The following ROBO2 variants were observed in gnomAD, a reference collection of about 807,000 sequenced individuals.
ROBO2 encodes the protein roundabout homolog 2.
Under a neutral mutation model 160.8 loss-of-function variants are expected in ROBO2, and 53 were observed. The ratio of observed to expected loss-of-function variants is 0.33; its 90% CI spans 0.26 to 0.41. The LOEUF is 0.41. Among genes scored for constraint, ROBO2 ranks in the 10% least tolerant of loss-of-function variants. The probability of loss-of-function intolerance (pLI) is 1.00; values close to 1 mark genes in which losing one functional copy is unlikely to be tolerated. For missense variants in ROBO2, 1,577 were observed against 1,722.4 expected (o/e 0.92, Z 1.49); for synonymous variants, 664 against 611.7 (o/e 1.09, Z -1.26).
At chr3:76,800,689 C>A (rs1378635802) in intron 2 of ROBO2, among the ~76,000 whole-genome samples, 1 of 152,090 alleles carries the variant, frequency 6.6e-6, no homozygotes, top group Non-Finnish European at 1.5e-5. Flanking sequence ...CTCACCCCAG[C>A]TAAAAAGGCT....
At chr3:76,146,213 C>T (rs2071881401) in intron 2 of ROBO2, among the ~76,000 whole-genome samples, 1 of 152,018 alleles carries the variant, frequency 6.6e-6, no homozygotes, top group Non-Finnish European at 1.5e-5. Context: ...AAAACAATTA[C>T]TCAACAAAAC....
intron 23 of ROBO2, chr3:77,633,038 T>C (rs2095198186): frequency 6.3e-6 from 1 of 158,306 alleles, no homozygotes; most frequent in Non-Finnish European, 1.4e-5. Flanking sequence ...TTATCTCCAT[T>C]ACTTTCCTTT....
At chr3:77,211,036 C>T (rs969891840) in intron 2 of ROBO2, among the ~76,000 whole-genome samples, 8 of 152,130 alleles carry the variant, frequency 5.3e-5, no homozygotes, top group Non-Finnish European at 1.0e-4. Context: ...GTGAATAGTG[C>T]CGCAATAAAC....
chr3:76,502,858 A>T (rs889903404), intron 2 of ROBO2, among the ~76,000 whole-genome samples: 3 of 152,220 alleles, frequency 2.0e-5, no homozygotes, highest in African/African-American at 7.2e-5. Flanking sequence ...CCTGAACAAC[A>T]GCAAACTTGG....
rs1478472078 is a variant in ROBO2 at position 77,642,826 on chromosome 3, T to C, written c.3935-1878T>C. The C allele has an allele frequency of 2.0e-5, 9 of 456,562 alleles. No homozygotes were observed. The East Asian group carries it at 5.6e-4, about 28-fold the overall frequency. The allele number at this position is 456,562 out of a possible 1,614,324, so 28.3% of individuals were successfully genotyped here. Reference sequence around the variant, plus strand: ...CAGCTTAGAAGACACAAAGAGCTCATTGGATTGTCCAGCTAGAACCTCCCT... The same window carrying C: ...CAGCTTAGAAGACACAAAGAGCTCACTGGATTGTCCAGCTAGAACCTCCCT... On this transcript the variant is annotated intron_variant, in intron 24 of 25. Transcript: ENST00000461745.
Position 75,938,981 on chromosome 3 carries a change from A to AGTC in ROBO2, c.109+1380_109+1381insTCG, listed in dbSNP as rs1247265347. ...TCTAAAACAAGAATATGTAGACAGTAGCCACGTTGGGTTTCTGTGGCTGTA... is the reference window on the plus strand; with the variant it reads ...TCTAAAACAAGAATATGTAGACAGTAGTCGCCACGTTGGGTTTCTGTGGCTGTA... On this transcript the variant is annotated intron_variant, in intron 2 of 26. Transcript: ENST00000487694. Among the ~76,000 whole-genome samples the AGTC allele has an allele frequency of 2.0e-5, 3 of 152,202 alleles. No homozygotes were observed. The East Asian group carries it at 5.8e-4, about 29-fold the overall frequency.
chr3:76,975,321 A>G (rs375561454), intron 2 of ROBO2, among the ~76,000 whole-genome samples: 21 of 152,246 alleles, frequency 1.4e-4, no homozygotes, highest in African/African-American at 5.1e-4. Flanking sequence ...CCTGGCCAAC[A>G]TGGCGAAACC....
intron 2 of ROBO2, among the ~76,000 whole-genome samples, chr3:76,411,305 T>C (rs1384059971): frequency 1.3e-5 from 2 of 152,154 alleles, no homozygotes; most frequent in Non-Finnish European, 2.9e-5. Context: ...TCTTGTTCTC[T>C]AGGAGCATAC....
intron 2 of ROBO2, among the ~76,000 whole-genome samples, chr3:75,973,552 ACAACAACAAAAAGTATAGATAGACC>A (rs1215684879): frequency 6.6e-6 from 1 of 151,684 alleles, no homozygotes; most frequent in African/African-American, 2.4e-5. Context: ...AAAACTTAAA[ACAACAACAAAAAGTATAGATAGACC>A]CTGTTACCTG....
At chr3:76,732,688 G>A (rs781199359) in intron 2 of ROBO2, among the ~76,000 whole-genome samples, 2 of 152,176 alleles carry the variant, frequency 1.3e-5, no homozygotes, top group Non-Finnish European at 2.9e-5. Flanking sequence ...GCATTAGTAA[G>A]TGATGAAGCG....
intron 2 of ROBO2, among the ~76,000 whole-genome samples, chr3:76,273,204 T>C (rs1263016520): frequency 6.9e-6 from 1 of 145,746 alleles, no homozygotes; most frequent in Non-Finnish European, 1.5e-5. Context: ...GTTAGAGTTC[T>C]CCACTTATCT....
At chr3:77,033,500 T>C (rs1249920550) in intron 2 of ROBO2, among the ~76,000 whole-genome samples, 1 of 152,104 alleles carries the variant, frequency 6.6e-6, no homozygotes, top group Non-Finnish European at 1.5e-5. Flanking sequence ...TTTTAATGTG[T>C]TTGGTAAAGA....
chr3:77,498,606 A>T (rs188311899), intron 5 of ROBO2, among the ~76,000 whole-genome samples: 7 of 151,256 alleles, frequency 4.6e-5, no homozygotes, highest in Non-Finnish European at 8.8e-5. Flanking sequence ...ACTACTTATA[A>T]TTCCTTTTTT....
At chr3:76,999,855 T>C (rs2061243811) in intron 2 of ROBO2, among the ~76,000 whole-genome samples, 1 of 152,194 alleles carries the variant, frequency 6.6e-6, no homozygotes, top group Admixed American at 6.6e-5. Flanking sequence ...CTTTGTGTTC[T>C]TTGTCTGTTT....
At chr3:76,787,397 T>C (rs2063061778) in intron 2 of ROBO2, among the ~76,000 whole-genome samples, 1 of 147,118 alleles carries the variant, frequency 6.8e-6, no homozygotes. Flanking sequence ...CAAAGACAAA[T>C]GGCTGACTAG....
intron 2 of ROBO2, among the ~76,000 whole-genome samples, chr3:77,409,537 C>A (rs2076529064): frequency 6.6e-6 from 1 of 151,936 alleles, no homozygotes; most frequent in African/African-American, 2.4e-5. Flanking sequence ...TCTATTGATC[C>A]CAGCTGGGGG....
intron 2 of ROBO2, among the ~76,000 whole-genome samples, chr3:77,438,181 G>T (rs551913423): frequency 9.9e-5 from 15 of 151,722 alleles, no homozygotes; most frequent in South Asian, 2.1e-4. Context: ...CCTCTAGATA[G>T]ATAGATAGGT....
chr3:76,174,846 G>C (rs1171716395), intron 2 of ROBO2, among the ~76,000 whole-genome samples: 1 of 152,072 alleles, frequency 6.6e-6, no homozygotes, highest in African/African-American at 2.4e-5. Context: ...GGCTATATGG[G>C]CTCTTTTTTG....
intron 2 of ROBO2, among the ~76,000 whole-genome samples, chr3:77,001,003 C>T (rs989733142): frequency 2.0e-5 from 3 of 152,084 alleles, no homozygotes; most frequent in Non-Finnish European, 2.9e-5. Flanking sequence ...GCCACGGTGA[C>T]GTTTTTCAAG....
Sources: gnomAD v4.1 joint callset for allele counts (sites outside exome capture counted in the v4.1 genomes callset) on GRCh38, gnomAD v4.1.1 for gene constraint, MANE v1.5 for transcripts, NCBI Gene and HGNC (gene_info 2026-07-23, HGNC 2026-07-21) for gene names.